The following KIF16B variants were observed in gnomAD, a reference collection of about 807,000 sequenced individuals.
The protein encoded by KIF16B is kinesin-like protein KIF16B.
A neutral mutation model predicts 156.3 loss-of-function variants in KIF16B; 98 were observed. That is an observed-to-expected ratio of 0.63 (90% CI 0.53 to 0.74). KIF16B has a LOEUF of 0.74. Among genes scored for constraint, KIF16B ranks in the 30% least tolerant of loss-of-function variants. KIF16B has a pLI of 0.00. For synonymous variants in KIF16B, 564 were observed against 583.7 expected (o/e 0.97, Z 0.49); for missense variants, 1,421 against 1,606.5 (o/e 0.88, Z 1.97).
chr20:16,414,498 G>C (rs2066038054), intron 15 of KIF16B, among the ~76,000 whole-genome samples: 1 of 152,122 alleles, frequency 6.6e-6, no homozygotes, highest in Admixed American at 6.6e-5. Context: ...TCCTGCTTTA[G>C]ATAAATCACT....
At chr20:16,570,822 T>C (rs567811905) in intron 1 of KIF16B, among the ~76,000 whole-genome samples, 1 of 152,294 alleles carries the variant, frequency 6.6e-6, no homozygotes, top group South Asian at 2.1e-4. Context: ...TGCAAGCCAA[T>C]CTTCTCCCTG....
At position 16,281,788 on chromosome 20, in the gene KIF16B, C is replaced by T. The variant is rs951960673; in HGVS notation, c.3796-8377G>A. On this transcript the variant is annotated intron_variant, in intron 25 of 25. Coordinates refer to ENST00000354981, the MANE Select transcript of KIF16B (RefSeq NM_024704.5). ...AACAGACACGGTGCCTCCCCTCCTC[C>T]CCTCACAGGTGCATGCTGGCTGGCA... is the stretch of plus-strand genomic sequence containing the variant. Among the ~76,000 whole-genome samples the T allele has an allele frequency of 2.0e-5, 3 of 152,112 alleles. No individual in the cohort carries two copies. In the East Asian group the frequency reaches 5.8e-4, roughly 30 times the overall value.
Position 16,508,008 on chromosome 20 carries a change from T to A in KIF16B, c.649A>T (p.Asn217Tyr). ...GCATGAGACCTGCTACTGACGTCGT[T>A]CATCCCAGTCGCTGCGGTGGTCCGG... ...INRTTAATGM[N>Y]DVSSRSHAIF... The change falls in exon 7 of 26, where the codon AAC becomes TAC. Residue 217 changes from asparagine to tyrosine, a missense_variant. Asn to Tyr is a moderately radical substitution (Grantham distance 143). Coordinates refer to ENST00000354981, the MANE Select transcript of KIF16B (RefSeq NM_024704.5). The A allele has an allele frequency of 6.2e-7, 1 of 1,614,178 alleles. No homozygotes were observed. Among genetic ancestry groups the A allele is most frequent in the Non-Finnish European group, 8.5e-7 (1 of 1,180,012 alleles).
intron 1 of KIF16B, among the ~76,000 whole-genome samples, chr20:16,541,696 T>TA (rs2070206311): frequency 6.6e-6 from 1 of 152,124 alleles, no homozygotes; most frequent in Non-Finnish European, 1.5e-5. Context: ...AGCAGGGTGT[T>TA]CATTAAGTTA....
chr20:16,273,534 TAAAGA>T, intron 25 of KIF16B, 123 bp from the exon 26 acceptor site: 2 of 723,798 alleles, frequency 2.8e-6, no homozygotes, highest in Non-Finnish European at 4.6e-6. Context: ...CTACAAAAAA[TAAAGA>T]AATTAGCTGG....
chr20:16,472,437 C>T (rs1203047934), intron 12 of KIF16B, among the ~76,000 whole-genome samples: 2 of 151,820 alleles, frequency 1.3e-5, no homozygotes, highest in Admixed American at 1.3e-4. Context: ...CAGGCTTCGA[C>T]TCCCAAACCC....
At chr20:16,290,394 T>C (rs945081891) in intron 25 of KIF16B, among the ~76,000 whole-genome samples, 2 of 152,196 alleles carry the variant, frequency 1.3e-5, no homozygotes, top group South Asian at 4.1e-4. Context: ...ATGCCTCTAA[T>C]ATGTCACCTA....
rs561206134 is a variant in KIF16B at position 16,393,458 on chromosome 20, T to C, written c.1784+11355A>G. On this transcript the variant is annotated intron_variant, in intron 17 of 25. Coordinates refer to ENST00000354981, the MANE Select transcript of KIF16B (RefSeq NM_024704.5). ...GGTCATGAGATACGGGAGTTGCTGG[T>C]GATGGTTAAACATACGGTGTCACTG... is the stretch of plus-strand genomic sequence containing the variant. Among the ~76,000 whole-genome samples the C allele has an allele frequency of 5.1e-4, 77 of 152,346 alleles. 1 individual carries two copies. In the South Asian group the frequency reaches 0.013, roughly 25 times the overall value.
chr20:16,420,676 C>T (rs971946465), intron 15 of KIF16B, among the ~76,000 whole-genome samples: 4 of 152,020 alleles, frequency 2.6e-5, no homozygotes, highest in African/African-American at 9.7e-5. Flanking sequence ...AAGGAAAATG[C>T]TGCTTGGGTC....
intron 11 of KIF16B, among the ~76,000 whole-genome samples, chr20:16,495,761 C>G (rs1480588228): frequency 6.6e-6 from 1 of 152,112 alleles, no homozygotes; most frequent in Non-Finnish European, 1.5e-5. Flanking sequence ...GTAATCACGG[C>G]TCACCATAGC....
chr20:16,325,114 A>G (rs2122831387), intron 24 of KIF16B, among the ~76,000 whole-genome samples: 1 of 152,236 alleles, frequency 6.6e-6, no homozygotes, highest in South Asian at 2.1e-4. Flanking sequence ...CTTTATGATT[A>G]AAACCCTCAG....
chr20:16,552,478 G>T (rs1421898666), intron 1 of KIF16B, among the ~76,000 whole-genome samples: 1 of 152,108 alleles, frequency 6.6e-6, no homozygotes, highest in East Asian at 1.9e-4. Context: ...TACACCTGTT[G>T]TCCCAGGCTA....
intron 12 of KIF16B, among the ~76,000 whole-genome samples, chr20:16,446,738 A>G (rs1469718161): frequency 6.6e-6 from 1 of 152,222 alleles, no homozygotes; most frequent in Non-Finnish European, 1.5e-5. Context: ...TGATCTAATC[A>G]TAAGAGAATA....
At chr20:16,473,034 A>G (rs2067707962) in intron 12 of KIF16B, among the ~76,000 whole-genome samples, 1 of 152,210 alleles carries the variant, frequency 6.6e-6, no homozygotes, top group African/African-American at 2.4e-5. Context: ...AAAATTGTTC[A>G]CCATTTTAAT....
intron 25 of KIF16B, among the ~76,000 whole-genome samples, chr20:16,309,908 T>A (rs2063594274): frequency 6.6e-6 from 1 of 152,238 alleles, no homozygotes. Flanking sequence ...CTTTGTATTC[T>A]ATGTAACACC....
At chr20:16,402,001 A>G (rs2065668125) in intron 17 of KIF16B, among the ~76,000 whole-genome samples, 1 of 152,014 alleles carries the variant, frequency 6.6e-6, no homozygotes, top group African/African-American at 2.4e-5. Context: ...ACCCCTTCCA[A>G]TTGCCAGCAC....
intron 10 of KIF16B, among the ~76,000 whole-genome samples, chr20:16,497,983 G>A (rs913743105): frequency 4.6e-5 from 7 of 152,080 alleles, no homozygotes; most frequent in Admixed American, 3.9e-4. Context: ...AGATCTTAAG[G>A]ATTCGCCTCT....
intron 1 of KIF16B, among the ~76,000 whole-genome samples, chr20:16,559,223 C>T (rs1413177200): frequency 6.6e-6 from 1 of 152,024 alleles, no homozygotes; most frequent in African/African-American, 2.4e-5. Flanking sequence ...AAATGCCCCA[C>T]GTCTCATTTG....
intron 25 of KIF16B, among the ~76,000 whole-genome samples, chr20:16,275,741 A>T (rs992141364): frequency 6.6e-6 from 1 of 152,150 alleles, no homozygotes; most frequent in Non-Finnish European, 1.5e-5. Flanking sequence ...TGAAGATCTT[A>T]ATCTTAGTAA....
Sources: allele counts gnomAD v4.1 joint callset (sites outside exome capture counted in the v4.1 genomes callset), GRCh38; gene constraint gnomAD v4.1.1; transcripts MANE v1.5; gene names NCBI Gene and HGNC (gene_info 2026-07-23, HGNC 2026-07-21).